ARHGAP15: variants seen among roughly 807,000 people sequenced by gnomAD.
ARHGAP15 encodes rho GTPase-activating protein 15.
ARHGAP15 carries 51 observed loss-of-function variants against 63.7 expected under a neutral mutation model. That is an observed-to-expected ratio of 0.80 (90% CI 0.64 to 1.01). The LOEUF (loss-of-function observed/expected upper bound fraction) is 1.01. ARHGAP15 is among the 50% of genes least tolerant of loss of function. The probability of loss-of-function intolerance (pLI) is 0.00; values close to 1 mark genes in which losing one functional copy is unlikely to be tolerated. For missense variants in ARHGAP15, 560 were observed against 564.6 expected, an observed-to-expected ratio of 0.99 and a Z score of 0.08; for synonymous variants, 191 against 193.8, an observed-to-expected ratio of 0.99 and a Z score of 0.12.
At chr2:143,219,406 T>A (rs765887100) in intron 4 of ARHGAP15, among the ~76,000 whole-genome samples, 1 of 152,212 alleles carries the variant, frequency 6.6e-6, no homozygotes, top group Non-Finnish European at 1.5e-5. Context: ...TCTCAGAATA[T>A]ATCCTCATCA....
rs192608235 is a variant in ARHGAP15, at chr2:143,616,358, T to C, written c.1004-7775T>C. ...CTGAGGAGAAATAAAAATAAGACAG[T>C]CTTGCTCCTAACTAGCTTCCTGTAC... is the stretch of plus-strand genomic sequence containing the variant. On this transcript the variant is annotated intron_variant, in intron 11 of 13. Coordinates refer to ENST00000295095, the MANE Select transcript of ARHGAP15 (RefSeq NM_018460.4). Among the ~76,000 whole-genome samples, 527 of 152,256 alleles carry C rather than the reference T, an allele frequency of 3.5e-3. 3 individuals are homozygous for C. Among genetic ancestry groups the C allele is most frequent in the South Asian group, 7.5e-3 (36 of 4,818 alleles).
chr2:143,302,231 C>T (rs769289479), intron 6 of ARHGAP15, among the ~76,000 whole-genome samples: 10 of 151,894 alleles, frequency 6.6e-5, no homozygotes, highest in Non-Finnish European at 1.3e-4. Context: ...CTTCCTCTTT[C>T]CTTCTGTGTG....
At chr2:143,743,666 G>A (rs72994474) in intron 13 of ARHGAP15, among the ~76,000 whole-genome samples, 9 of 152,176 alleles carry the variant, frequency 5.9e-5, no homozygotes, top group Middle Eastern at 3.4e-3. Context: ...CTCGTTCCCC[G>A]TTTCAGCAGT....
At chr2:143,458,003 AAAAC>A (rs764597486) in intron 8 of ARHGAP15, among the ~76,000 whole-genome samples, 1 of 152,124 alleles carries the variant, frequency 6.6e-6, no homozygotes, top group East Asian at 1.9e-4. Context: ...AATCACATGT[AAAAC>A]AAAAAAATAT....
intron 13 of ARHGAP15, among the ~76,000 whole-genome samples, chr2:143,746,375 A>G (rs1485031628): frequency 2.0e-5 from 3 of 152,066 alleles, no homozygotes; most frequent in African/African-American, 4.8e-5. Context: ...ATTTTTTTTC[A>G]AAGAAAGTAA....
chr2:143,668,074 G>A (rs993370062), intron 12 of ARHGAP15, among the ~76,000 whole-genome samples: 4 of 151,834 alleles, frequency 2.6e-5, no homozygotes, highest in African/African-American at 9.7e-5. Context: ...AAGGAGAAAG[G>A]GTTGAAGCAT....
rs138590659 is a variant in ARHGAP15, at chr2:143,694,031, C to G, written c.1139-9388C>G. Among the ~76,000 whole-genome samples the G allele has an allele frequency of 2.0e-4, 31 of 152,272 alleles. No individual in the cohort carries two copies. In the East Asian group the frequency reaches 5.8e-3, roughly 28 times the overall value. ...TATTTTTTTTAAGTAGACAGTCTTT[C>G]AACTTCAATTTCTAAAGTACTGCGC... On this transcript the variant is annotated intron_variant, in intron 12 of 13. Coordinates refer to ENST00000295095, the MANE Select transcript of ARHGAP15 (RefSeq NM_018460.4).
At chr2:143,592,194 G>A (rs765905132) in intron 11 of ARHGAP15, among the ~76,000 whole-genome samples, 19 of 152,016 alleles carry the variant, frequency 1.2e-4, no homozygotes, top group Non-Finnish European at 2.2e-4. Context: ...AATAAGTGAA[G>A]TGTCTTTATT....
chr2:143,423,019 G>A (rs1336752095), intron 6 of ARHGAP15, among the ~76,000 whole-genome samples: 1 of 152,112 alleles, frequency 6.6e-6, no homozygotes, highest in Non-Finnish European at 1.5e-5. Flanking sequence ...GCATCTCAAG[G>A]TGGAGCATCT....
At chr2:143,493,006 C>T (rs1163949095) in intron 9 of ARHGAP15, among the ~76,000 whole-genome samples, 3 of 148,092 alleles carry the variant, frequency 2.0e-5, no homozygotes, top group African/African-American at 5.0e-5. Flanking sequence ...TGCAGTGAGC[C>T]GAGAATACGC....
intron 11 of ARHGAP15, among the ~76,000 whole-genome samples, chr2:143,623,572 A>G (rs1256450910): frequency 1.3e-5 from 2 of 152,238 alleles, no homozygotes; most frequent in African/African-American, 4.8e-5. Context: ...AAAAGAATTA[A>G]TATCCTTTCT....
At chr2:143,497,892 A>G (rs1172877304) in intron 9 of ARHGAP15, among the ~76,000 whole-genome samples, 1 of 152,174 alleles carries the variant, frequency 6.6e-6, no homozygotes, top group African/African-American at 2.4e-5. Flanking sequence ...TAGAGTTCAC[A>G]TGGTGTGTAT....
At chr2:143,310,551 AAATT>A (rs772254121) in intron 6 of ARHGAP15, among the ~76,000 whole-genome samples, 2 of 151,552 alleles carry the variant, frequency 1.3e-5, no homozygotes, top group African/African-American at 2.4e-5. Context: ...TTTATAAAAT[AAATT>A]GTTTTAATCC....
chr2:143,393,415 T>C (rs973668081), intron 6 of ARHGAP15, among the ~76,000 whole-genome samples: 1 of 152,182 alleles, frequency 6.6e-6, no homozygotes. Flanking sequence ...AGAAATCTTA[T>C]GTTATTACTT....
At chr2:143,571,708 C>G (rs1696462734) in intron 11 of ARHGAP15, 1 of 152,256 alleles carries the variant, frequency 6.6e-6, no homozygotes, top group Non-Finnish European at 1.5e-5. Flanking sequence ...TCCTCACTCT[C>G]TGGCTACATT....
intron 6 of ARHGAP15, among the ~76,000 whole-genome samples, chr2:143,386,195 T>C (rs778973575): frequency 1.3e-5 from 2 of 152,168 alleles, no homozygotes; most frequent in African/African-American, 2.4e-5. Context: ...AGAGCTGATA[T>C]ATCATTTGTG....
At chr2:143,152,376 T>C (rs1689861679) in intron 1 of ARHGAP15, among the ~76,000 whole-genome samples, 1 of 151,968 alleles carries the variant, frequency 6.6e-6, no homozygotes, top group South Asian at 2.1e-4. Context: ...TTAGCTCTGA[T>C]GTAATCTGAT....
chr2:143,573,516 G>T (rs1696547042), intron 11 of ARHGAP15, among the ~76,000 whole-genome samples: 2 of 152,232 alleles, frequency 1.3e-5, no homozygotes, highest in Non-Finnish European at 2.9e-5. Context: ...CAATAAAACT[G>T]TCTTGATCAG....
At chr2:143,321,834 C>T (rs916363723) in intron 6 of ARHGAP15, among the ~76,000 whole-genome samples, 5 of 152,174 alleles carry the variant, frequency 3.3e-5, no homozygotes, top group Non-Finnish European at 2.9e-5. Context: ...TAGCTGGGAC[C>T]ACCGGGTACA....
Sources: gnomAD v4.1 joint callset for allele counts (sites outside exome capture counted in the v4.1 genomes callset) on GRCh38, gnomAD v4.1.1 for gene constraint, MANE v1.5 for transcripts, NCBI Gene and HGNC (gene_info 2026-07-23, HGNC 2026-07-21) for gene names.